MCF2L2: variants seen among roughly 807,000 people sequenced by gnomAD.
The protein encoded by MCF2L2 is probable guanine nucleotide exchange factor MCF2L2.
In MCF2L2, 102 loss-of-function variants were observed where a neutral mutation model predicts 150.2. That is an observed-to-expected ratio of 0.68 (90% CI 0.58 to 0.80). The LOEUF is 0.80. Among genes scored for constraint, MCF2L2 ranks in the 30% least tolerant of loss-of-function variants. The pLI is 0.00. For missense variants in MCF2L2, 1,256 were observed against 1,372.8 expected (o/e 0.91, Z 1.34); for synonymous variants, 465 against 491.3 (o/e 0.95, Z 0.71).
intron 7 of MCF2L2, among the ~76,000 whole-genome samples, chr3:183,313,256 CAT>C (rs1026579604): frequency 5.9e-5 from 9 of 151,802 alleles, no homozygotes; most frequent in Non-Finnish European, 1.3e-4. Context: ...CACACACACA[CAT>C]ATCCATATGT....
At chr3:183,320,195 C>T (rs566553551) in intron 6 of MCF2L2, among the ~76,000 whole-genome samples, 9 of 151,416 alleles carry the variant, frequency 5.9e-5, no homozygotes, top group South Asian at 4.2e-4. Flanking sequence ...CGGGTTCAAG[C>T]GATTCTCCTG....
At chr3:183,185,009 C>T (rs977641392) in intron 27 of MCF2L2, among the ~76,000 whole-genome samples, 1 of 152,056 alleles carries the variant, frequency 6.6e-6, no homozygotes, top group Non-Finnish European at 1.5e-5. Flanking sequence ...CTCCGCCTCC[C>T]GGGTTCAAGT....
At chr3:183,243,555 G>C (rs1724124075) in intron 15 of MCF2L2, among the ~76,000 whole-genome samples, 1 of 152,198 alleles carries the variant, frequency 6.6e-6, no homozygotes, top group South Asian at 2.1e-4. Flanking sequence ...GGAGCTGGGA[G>C]TTAGAATCCC....
At chr3:183,373,408 T>C (rs1296426386) in intron 3 of MCF2L2, 3 of 152,184 alleles carry the variant, frequency 2.0e-5, no homozygotes, top group Non-Finnish European at 4.4e-5. Flanking sequence ...TTTTTATATA[T>C]TGATTTTAAG....
At chr3:183,392,901 A>G (rs1273746887) in intron 1 of MCF2L2, among the ~76,000 whole-genome samples, 1 of 152,216 alleles carries the variant, frequency 6.6e-6, no homozygotes, top group Non-Finnish European at 1.5e-5. Context: ...TTTGGTTCTG[A>G]AAGAACACCT....
At chr3:183,365,946 T>C (rs1320988858) in intron 3 of MCF2L2, among the ~76,000 whole-genome samples, 1 of 151,166 alleles carries the variant, frequency 6.6e-6, no homozygotes, top group African/African-American at 2.4e-5. Context: ...CGCAAAAACA[T>C]GAATAGACAA....
intron 1 of MCF2L2, among the ~76,000 whole-genome samples, chr3:183,393,612 A>G (rs905238748): frequency 9.9e-5 from 15 of 152,224 alleles, no homozygotes; most frequent in African/African-American, 3.4e-4. Flanking sequence ...TCTATCCTTG[A>G]TAAGTACACA....
intron 13 of MCF2L2, among the ~76,000 whole-genome samples, chr3:183,294,685 G>A (rs181363726): frequency 2.8e-5 from 4 of 142,804 alleles, no homozygotes; most frequent in Admixed American, 7.0e-5. Flanking sequence ...ATGGAGTGCA[G>A]TGGCGCCATC....
intron 25 of MCF2L2, among the ~76,000 whole-genome samples, chr3:183,199,703 A>T (rs1231798072): frequency 2.7e-5 from 4 of 149,774 alleles, no homozygotes; most frequent in Non-Finnish European, 5.9e-5. Flanking sequence ...TACATGTGCC[A>T]TGTTGGTGTG....
At chr3:183,213,442 T>C (rs1013682914) in intron 22 of MCF2L2, among the ~76,000 whole-genome samples, 2 of 152,078 alleles carry the variant, frequency 1.3e-5, no homozygotes, top group African/African-American at 2.4e-5. Context: ...TGCTTTCTAG[T>C]TGTTTAATTG....
At chr3:183,290,737 T>G (rs1006307335) in intron 13 of MCF2L2, among the ~76,000 whole-genome samples, 12 of 152,244 alleles carry the variant, frequency 7.9e-5, no homozygotes, top group Non-Finnish European at 1.3e-4. Flanking sequence ...TTTTACCACG[T>G]TGGACAGGAT....
At chr3:183,389,874 T>C (rs1183738377) in intron 1 of MCF2L2, 95 bp from the exon 2 acceptor site, 2 of 965,300 alleles carry the variant, frequency 2.1e-6, no homozygotes, top group Non-Finnish European at 3.3e-6. Flanking sequence ...TATTGGGAAA[T>C]CTGGGACTTA....
At chr3:183,369,093 T>G (rs537467148) in intron 3 of MCF2L2, among the ~76,000 whole-genome samples, 84 of 152,288 alleles carry the variant, frequency 5.5e-4, no homozygotes, top group African/African-American at 1.9e-3. Context: ...TAGTGTAAGC[T>G]GAAAATAAAA....
At chr3:183,213,884 A>G (rs989914964) in intron 22 of MCF2L2, among the ~76,000 whole-genome samples, 1 of 152,226 alleles carries the variant, frequency 6.6e-6, no homozygotes, top group African/African-American at 2.4e-5. Context: ...TATTAGATGT[A>G]AAAGTAAGTT....
intron 7 of MCF2L2, among the ~76,000 whole-genome samples, chr3:183,315,937 C>T (rs1247773367): frequency 1.3e-5 from 2 of 152,224 alleles, no homozygotes; most frequent in Non-Finnish European, 2.9e-5. Flanking sequence ...TTCTGCTCTT[C>T]GACCTCTCCA....
intron 14 of MCF2L2, chr3:183,287,516 C>T (rs1577026155): frequency 6.6e-6 from 1 of 152,272 alleles, no homozygotes; most frequent in African/African-American, 2.4e-5. Context: ...CACAATGAAA[C>T]CCTTTTAATA....
intron 15 of MCF2L2, chr3:183,272,995 C>G: frequency 1.4e-6 from 2 of 1,478,428 alleles, no homozygotes; most frequent in South Asian, 2.8e-5. Context: ...AAGGCACTTC[C>G]TTTTTTTCTA....
intron 3 of MCF2L2, 21 bp from the exon 4 acceptor site, chr3:183,341,651 T>C: frequency 6.4e-7 from 1 of 1,567,032 alleles, no homozygotes; most frequent in South Asian, 1.1e-5. Flanking sequence ...GGGTGGTCAG[T>C]GTCAGAGATT....
chr3:183,215,446 A>AAG (rs1481855117), intron 22 of MCF2L2, among the ~76,000 whole-genome samples: 2 of 152,178 alleles, frequency 1.3e-5, no homozygotes, highest in Non-Finnish European at 2.9e-5. Flanking sequence ...GCTGGAGCTC[A>AAG]ACTCCCCAGC....
Sources: gnomAD v4.1 joint callset for allele counts (sites outside exome capture counted in the v4.1 genomes callset) on GRCh38, gnomAD v4.1.1 for gene constraint, MANE v1.5 for transcripts, NCBI Gene and HGNC (gene_info 2026-07-23, HGNC 2026-07-21) for gene names.